The following MYO16 variants were observed in gnomAD, a reference collection of about 807,000 sequenced individuals.
MYO16 encodes the protein myosin XVI.
MYO16 carries 94 observed loss-of-function variants against 205.3 expected under a neutral mutation model. That is an observed-to-expected ratio of 0.46 (90% CI 0.39 to 0.54). MYO16 has a LOEUF of 0.54. Ranked by LOEUF, MYO16 falls within the 20% of genes least tolerant of loss-of-function variation. The pLI, the probability that MYO16 is intolerant of heterozygous loss-of-function variation, is 0.00. For synonymous variants in MYO16, 988 were observed against 954.0 expected (o/e 1.04, Z -0.66); for missense variants, 2,315 against 2,387.5 (o/e 0.97, Z 0.63).
intron 34 of MYO16, among the ~76,000 whole-genome samples, chr13:109,200,086 G>C (rs1880340652): frequency 6.6e-6 from 1 of 152,140 alleles, no homozygotes; most frequent in Admixed American, 6.5e-5. Flanking sequence ...ATATTGTTAA[G>C]GAGTACTGGC....
chr13:108,919,496 C>T (rs369247767), intron 16 of MYO16, among the ~76,000 whole-genome samples: 108 of 95,620 alleles, frequency 1.1e-3, no homozygotes, highest in African/African-American at 3.4e-3. Flanking sequence ...TGTCGTTAAC[C>T]GGTTCTTTGA....
At chr13:108,920,509 A>G (rs1268822105) in intron 16 of MYO16, among the ~76,000 whole-genome samples, 1 of 152,074 alleles carries the variant, frequency 6.6e-6, no homozygotes, top group South Asian at 2.1e-4. Context: ...CCCAGGCTGG[A>G]ATGCAATGGT....
chr13:108,507,895 AT>A, the MYO16 span, among the ~76,000 whole-genome samples: 8 of 150,142 alleles, frequency 5.3e-5, no homozygotes, highest in South Asian at 2.1e-4. Context: ...CAAATTCAGC[AT>A]TTTTTTTTCT....
chr13:108,585,645 G>A, the MYO16 span, among the ~76,000 whole-genome samples: 1 of 152,184 alleles, frequency 6.6e-6, no homozygotes, highest in Non-Finnish European at 1.5e-5. Flanking sequence ...GCAATTTCAA[G>A]ATATGGCAAG....
intron 28 of MYO16, among the ~76,000 whole-genome samples, chr13:109,116,941 A>G (rs1295590568): frequency 1.3e-5 from 2 of 152,186 alleles, no homozygotes; most frequent in East Asian, 3.8e-4. Context: ...GCCTAAGCAA[A>G]TCTGCACTGC....
intron 12 of MYO16, among the ~76,000 whole-genome samples, chr13:108,881,505 A>C (rs571966480): frequency 2.0e-5 from 3 of 152,344 alleles, no homozygotes; most frequent in African/African-American, 7.2e-5. Flanking sequence ...TCCGAGCTAA[A>C]GGAGGATGTT....
intron 29 of MYO16, among the ~76,000 whole-genome samples, chr13:109,122,954 G>A (rs564675856): frequency 6.6e-6 from 1 of 152,192 alleles, no homozygotes; most frequent in South Asian, 2.1e-4. Context: ...AAAATGTCCA[G>A]GGGAAAGAAA....
chr13:109,148,412 C>T (rs1877461176), intron 32 of MYO16, among the ~76,000 whole-genome samples: 1 of 152,212 alleles, frequency 6.6e-6, no homozygotes, highest in South Asian at 2.1e-4. Context: ...AATTCCCTTA[C>T]AGTCATCCAA....
chr13:108,835,741 G>A lies in MYO16; in HGVS notation c.1098-8602G>A, dbSNP rs539571419. On this transcript the variant is annotated intron_variant, in intron 9 of 34. Coordinates refer to ENST00000457511, the MANE Select transcript of MYO16 (RefSeq NM_001198950.3). ...ACTTGTTGGGAACTGGAACAAAGGT[G>A]ACACTTGCTATGCTTTAGCAAAGAA... Among the ~76,000 whole-genome samples, 12 of 152,280 alleles carry A rather than the reference G, an allele frequency of 7.9e-5. No individual in the cohort carries two copies. The South Asian group carries it at 2.3e-3, about 29-fold the overall frequency.
chr13:108,524,854 G>C, the MYO16 span, among the ~76,000 whole-genome samples: 403 of 152,178 alleles, frequency 2.6e-3, 3 homozygotes, highest in African/African-American at 9.0e-3. Context: ...TGGATATGCA[G>C]GTTTGTTTTG....
At chr13:108,495,977 G>T in the MYO16 span, among the ~76,000 whole-genome samples, 1 of 152,146 alleles carries the variant, frequency 6.6e-6, no homozygotes, top group African/African-American at 2.4e-5. Flanking sequence ...GAACGCGGCG[G>T]GGCAGCCTCT....
intron 3 of MYO16, among the ~76,000 whole-genome samples, chr13:108,718,526 T>C (rs951632490): frequency 2.6e-5 from 4 of 151,672 alleles, no homozygotes; most frequent in African/African-American, 7.2e-5. Flanking sequence ...CCATGGAGGA[T>C]GCAGCAGCAG....
At chr13:108,571,638 G>A in the MYO16 span, among the ~76,000 whole-genome samples, 3 of 152,108 alleles carry the variant, frequency 2.0e-5, no homozygotes, top group Admixed American at 6.5e-5. Context: ...TGCAGGTCTT[G>A]TGGGTTCTCT....
intron 34 of MYO16, among the ~76,000 whole-genome samples, chr13:109,193,850 T>C (rs1359598210): frequency 6.6e-6 from 1 of 152,220 alleles, no homozygotes; most frequent in Non-Finnish European, 1.5e-5. Context: ...TTTCTCTCTC[T>C]TGGTTTTATA....
At chr13:109,144,887 A>G (rs1286727624) in intron 32 of MYO16, among the ~76,000 whole-genome samples, 1 of 152,238 alleles carries the variant, frequency 6.6e-6, no homozygotes, top group Non-Finnish European at 1.5e-5. Context: ...GTGTATAGGA[A>G]GCAAGGTTGT....
intron 24 of MYO16, among the ~76,000 whole-genome samples, chr13:109,048,016 A>C (rs1887102513): frequency 6.6e-6 from 1 of 152,110 alleles, no homozygotes; most frequent in South Asian, 2.1e-4. Context: ...TTATCATTGG[A>C]AAATCTTCCT....
In MYO16 at chr13:108,962,439, A is replaced by G; in HGVS notation, c.2171A>G (p.Gln724Arg). The G allele has an allele frequency of 1.2e-6, 2 of 1,601,344 alleles. No homozygotes were observed. The highest frequency in any genetic ancestry group is 1.7e-4 in the Middle Eastern group (1 of 6,034). ...QLLEQVAGMLQVSTDELASAL... is the reference protein window; with the variant it reads ...QLLEQVAGMLRVSTDELASAL... ...TTAATTTTAGTGGCTGGAATGTTAC[A>G]AGTATCAACAGATGAATTGGCATCT... The change falls in exon 19 of 35, where the codon CAA becomes CGA. Residue 724 changes from glutamine to arginine, a missense_variant. Gln to Arg is a conservative substitution (Grantham distance 43). This residue lies in a region of MYO16 where 1,213 missense variants were observed against 1,274.4 expected (regional missense o/e 0.95). Coordinates refer to ENST00000457511, the MANE Select transcript of MYO16 (RefSeq NM_001198950.3).
At chr13:108,616,460 C>G (rs1196447718) in intron 1 of MYO16, among the ~76,000 whole-genome samples, 1 of 152,094 alleles carries the variant, frequency 6.6e-6, no homozygotes, top group Non-Finnish European at 1.5e-5. Flanking sequence ...TCCATATTCT[C>G]TTTTAGCTCT....
rs1205416294 is a variant in MYO16, at chr13:109,125,162, A to G, written c.3586A>G (p.Arg1196Gly). Reference protein sequence around the residue: ...RQHLLQRISIRQQEVTSINSF... With the variant: ...RQHLLQRISIGQQEVTSINSF... ...GCACCTGCTTCAGAGAATAAGCATCAGACAACAAGAGGTGACTTCTATCAA... is the reference window on the plus strand; with the variant it reads ...GCACCTGCTTCAGAGAATAAGCATCGGACAACAAGAGGTGACTTCTATCAA... The change falls in exon 30 of 35, where the codon AGA (arginine) becomes GGA (glycine). Residue 1196 changes from arginine (R) to glycine (G), a missense_variant. This residue lies in a region of MYO16 where 1,097 missense variants were observed against 1,092.0 expected (regional missense o/e 1.00). Transcript: ENST00000457511. The surrounding 1 kb of genome is among the most constrained non-coding windows in gnomAD (Gnocchi z 4.0). 4 of 1,614,186 alleles carry G rather than the reference A, an allele frequency of 2.5e-6. No homozygotes were observed. In the East Asian group the frequency reaches 8.9e-5, roughly 36 times the overall value.
Sources: allele counts gnomAD v4.1 joint callset (sites outside exome capture counted in the v4.1 genomes callset), GRCh38; gene constraint gnomAD v4.1.1; regional missense constraint gnomAD v4.1.1; non-coding constraint Gnocchi (gnomAD v3.1); transcripts MANE v1.5; gene names NCBI Gene and HGNC (gene_info 2026-07-23, HGNC 2026-07-21).